The following SLC2A12 variants were observed in gnomAD, a reference collection of about 807,000 sequenced individuals.
The protein encoded by SLC2A12 is solute carrier family 2, facilitated glucose transporter member 12.
A neutral mutation model predicts 41.8 loss-of-function variants in SLC2A12; 23 were observed. That is an observed-to-expected ratio of 0.55 (90% CI 0.40 to 0.78). The LOEUF is 0.78. SLC2A12 is among the 30% of genes least tolerant of loss of function. The probability of loss-of-function intolerance (pLI) is 0.00; values close to 1 mark genes in which losing one functional copy is unlikely to be tolerated. For synonymous variants in SLC2A12, 295 were observed against 285.9 expected, an observed-to-expected ratio of 1.03 and a Z score of -0.32; for missense variants, 654 against 745.6, an observed-to-expected ratio of 0.88 and a Z score of 1.43.
chr6:134,025,573 T>C (rs568307149), intron 2 of SLC2A12, among the ~76,000 whole-genome samples: 1 of 152,348 alleles, frequency 6.6e-6, no homozygotes, highest in East Asian at 1.9e-4. Flanking sequence ...TTTTCTTTTT[T>C]TGGAGACAGG....
chr6:133,994,554 C>A (rs141767640), intron 4 of SLC2A12, among the ~76,000 whole-genome samples: 2 of 152,004 alleles, frequency 1.3e-5, no homozygotes, highest in African/African-American at 4.8e-5. Flanking sequence ...GGTGAAACCC[C>A]GTCTCTACTA....
At chr6:134,045,856 C>A (rs1269231260) in intron 1 of SLC2A12, among the ~76,000 whole-genome samples, 1 of 152,172 alleles carries the variant, frequency 6.6e-6, no homozygotes, top group African/African-American at 2.4e-5. Flanking sequence ...TAAAATAATA[C>A]CTTATTTCCA....
chr6:133,997,715 G>A (rs1776713109), intron 4 of SLC2A12, among the ~76,000 whole-genome samples: 1 of 152,072 alleles, frequency 6.6e-6, no homozygotes, highest in Admixed American at 6.5e-5. Flanking sequence ...CACTACCTGG[G>A]TGACAGAGTC....
Position 134,052,365 on chromosome 6 carries a change from A to AGGCTCAC in SLC2A12, c.103+6_103+12dup. The AGGCTCAC allele has an allele frequency of 6.2e-7, 1 of 1,608,422 alleles. No individual in the cohort carries two copies. The highest frequency in any genetic ancestry group is 8.5e-7 in the Non-Finnish European group (1 of 1,178,442). On this transcript the variant is annotated intron_variant, in intron 1 of 4. Transcript: ENST00000275230. ...TTCTCTGCGGTCACCCGAGCACTGC[A>AGGCTCAC]GGCTCACTTTACCTCTCGCCCAGGG...
chr6:134,022,969 T>C (rs1409820533), intron 2 of SLC2A12, among the ~76,000 whole-genome samples: 1 of 152,194 alleles, frequency 6.6e-6, no homozygotes, highest in Non-Finnish European at 1.5e-5. Flanking sequence ...AATAAGCTAA[T>C]GCCAACTCCT....
chr6:134,015,861 G>T (rs1431937186), intron 2 of SLC2A12, among the ~76,000 whole-genome samples: 1 of 152,074 alleles, frequency 6.6e-6, no homozygotes, highest in Non-Finnish European at 1.5e-5. Flanking sequence ...AGAGTTATTT[G>T]TTTAAATCTA....
chr6:134,027,002 TATC>T (rs1777122343), intron 2 of SLC2A12, among the ~76,000 whole-genome samples: 1 of 152,182 alleles, frequency 6.6e-6, no homozygotes, highest in South Asian at 2.1e-4. Context: ...GGAGAGGACA[TATC>T]AGCCATGTGC....
intron 1 of SLC2A12, among the ~76,000 whole-genome samples, chr6:134,050,201 A>T (rs1435364076): frequency 6.6e-6 from 1 of 152,230 alleles, no homozygotes; most frequent in Non-Finnish European, 1.5e-5. Flanking sequence ...ATTCATTTAT[A>T]CATATGTATG....
Position 134,028,701 on chromosome 6 carries a change from A to G in SLC2A12, c.1124T>C (p.Ile375Thr). ...GTTGATAGAATTGTGGCTTCTGCAG[A>G]TATGGGTGAAGTTCATGTGGATGTT... Reference protein sequence around the residue: ...NLNIHMNFTHICRSHNSINQS... With the variant: ...NLNIHMNFTHTCRSHNSINQS... Residue 375 changes from isoleucine to threonine, a missense_variant, in exon 2 of 5, where the codon ATC becomes ACC. Around this residue, in one of 3 missense-constraint regions of SLC2A12, gnomAD observed 411 missense variants for 412.1 expected, o/e 1.00. Coordinates refer to ENST00000275230, the MANE Select transcript of SLC2A12 (RefSeq NM_145176.3). 3 of 1,614,208 alleles carry G rather than the reference A, an allele frequency of 1.9e-6. No homozygotes were observed. The highest frequency in any genetic ancestry group is 2.5e-6 in the Non-Finnish European group (3 of 1,180,036).
rs117396417 is a variant in SLC2A12, at chr6:134,010,769, A to T, written c.1445-3835T>A. On this transcript the variant is annotated intron_variant, in intron 2 of 4. Transcript: ENST00000275230. ...CTACACAGAGTGTCATAAAAAGATC[A>T]TGAAGGGCAAGTTCGTTGAAGTCTC... is the stretch of plus-strand genomic sequence containing the variant. Among the ~76,000 whole-genome samples, 125 of 152,282 alleles carry T rather than the reference A, an allele frequency of 8.2e-4. 6 individuals carry two copies. In the East Asian group the frequency reaches 0.02, roughly 24 times the overall value.
intron 2 of SLC2A12, among the ~76,000 whole-genome samples, chr6:134,020,864 C>T (rs373086959): frequency 2.0e-5 from 3 of 152,198 alleles, no homozygotes; most frequent in East Asian, 1.9e-4. Context: ...TTCTCCAACT[C>T]GTTGGCATTG....
chr6:134,014,692 C>A (rs1281235475), intron 2 of SLC2A12, among the ~76,000 whole-genome samples: 1 of 152,158 alleles, frequency 6.6e-6, no homozygotes, highest in Non-Finnish European at 1.5e-5. Flanking sequence ...GTATTAAAGC[C>A]TTAGCCTGAC....
intron 1 of SLC2A12, among the ~76,000 whole-genome samples, chr6:134,038,353 C>CTTTT (rs10584884): frequency 3.1e-5 from 3 of 97,516 alleles, no homozygotes; most frequent in Admixed American, 1.0e-4. Flanking sequence ...TTCTTTCTGC[C>CTTTT]TTTTTTTTTT....
At chr6:134,006,252 CA>C (rs1269214088) in intron 3 of SLC2A12, among the ~76,000 whole-genome samples, 1 of 144,704 alleles carries the variant, frequency 6.9e-6, no homozygotes, top group East Asian at 2.1e-4. Context: ...CAACAAAATT[CA>C]GACTGGAAAA....
intron 3 of SLC2A12, among the ~76,000 whole-genome samples, chr6:134,005,944 G>C (rs1292930039): frequency 6.6e-6 from 1 of 151,902 alleles, no homozygotes; most frequent in Non-Finnish European, 1.5e-5. Flanking sequence ...GCTGAGGTGG[G>C]TGGATCACTT....
intron 2 of SLC2A12, among the ~76,000 whole-genome samples, chr6:134,027,869 T>C (rs1212093634): frequency 6.6e-6 from 1 of 152,244 alleles, no homozygotes; most frequent in Admixed American, 6.5e-5. Flanking sequence ...CATGGGAGGC[T>C]ACTCTAGTGA....
At chr6:134,001,892 A>C in intron 4 of SLC2A12, 105 bp downstream of exon 4, 1 of 1,240,084 alleles carries the variant, frequency 8.1e-7, no homozygotes, top group South Asian at 1.5e-5. Flanking sequence ...GAATGTCCTA[A>C]TCTAATAATA....
At chr6:134,030,257 G>A (rs1041834982) in intron 1 of SLC2A12, among the ~76,000 whole-genome samples, 11 of 152,160 alleles carry the variant, frequency 7.2e-5, no homozygotes, top group Admixed American at 2.0e-4. Flanking sequence ...GGCCACAGTC[G>A]TGCTGCAAAT....
intron 1 of SLC2A12, 137 bp from the exon 2 acceptor site, chr6:134,029,858 A>G: frequency 9.0e-7 from 1 of 1,114,618 alleles, no homozygotes; most frequent in South Asian, 1.8e-5. Flanking sequence ...TGATAAAATA[A>G]TACACTAACC....
Sources: gnomAD v4.1 joint callset for allele counts (sites outside exome capture counted in the v4.1 genomes callset) on GRCh38, gnomAD v4.1.1 for gene constraint, gnomAD v4.1.1 regional missense constraint, MANE v1.5 for transcripts, NCBI Gene and HGNC (gene_info 2026-07-23, HGNC 2026-07-21) for gene names.